Variants in RIT2 observed in about 807,000 individuals in gnomAD.
RIT2 encodes the protein Ras like without CAAX 2, also known as GTP-binding protein Rit2.
Under a neutral mutation model 23.7 loss-of-function variants are expected in RIT2, and 24 were observed. The ratio of observed to expected loss-of-function variants is 1.01; its 90% CI spans 0.73 to 1.43. The LOEUF is 1.43. RIT2 is among the 40% of genes most tolerant of loss of function. The pLI is 0.00. For missense variants in RIT2, 236 were observed against 266.9 expected (o/e 0.88, Z 0.81); for synonymous variants, 107 against 91.1 (o/e 1.17, Z -0.99).
At chr18:42,991,263 A>G (rs977895386) in intron 2 of RIT2, among the ~76,000 whole-genome samples, 2 of 152,190 alleles carry the variant, frequency 1.3e-5, no homozygotes, top group African/African-American at 4.8e-5. Context: ...AATATCAGCC[A>G]TATAAGGATA....
At chr18:42,827,006 A>G (rs1368287313) in intron 4 of RIT2, among the ~76,000 whole-genome samples, 1 of 152,178 alleles carries the variant, frequency 6.6e-6, no homozygotes, top group Non-Finnish European at 1.5e-5. Context: ...AATATATGTC[A>G]GTTCTCTAAA....
At chr18:42,852,877 A>G (rs1222162940) in intron 4 of RIT2, among the ~76,000 whole-genome samples, 1 of 142,856 alleles carries the variant, frequency 7.0e-6, no homozygotes, top group Non-Finnish European at 1.5e-5. Flanking sequence ...TCTGTCTCCC[A>G]GGCTGGAATG....
At chr18:43,056,292 C>G (rs929436602) in intron 1 of RIT2, among the ~76,000 whole-genome samples, 7 of 152,022 alleles carry the variant, frequency 4.6e-5, no homozygotes, top group African/African-American at 1.7e-4. Flanking sequence ...TAAAGAATCA[C>G]CAGTGCTCTC....
chr18:42,815,653 T>G (rs1004483664), intron 4 of RIT2, among the ~76,000 whole-genome samples: 5 of 152,174 alleles, frequency 3.3e-5, no homozygotes, highest in Non-Finnish European at 5.9e-5. Flanking sequence ...AAGTAGGTAA[T>G]AATTTGATGA....
intron 2 of RIT2, among the ~76,000 whole-genome samples, chr18:43,027,413 G>C (rs573592741): frequency 2.9e-3 from 436 of 152,184 alleles, no homozygotes; most frequent in South Asian, 9.1e-3. Context: ...TTTTGAGCAA[G>C]ATTTTTGATT....
chr18:43,016,614 C>T (rs1026819431), intron 2 of RIT2, among the ~76,000 whole-genome samples: 3 of 151,716 alleles, frequency 2.0e-5, no homozygotes, highest in East Asian at 3.9e-4. Context: ...TAAATGACTG[C>T]GTCCAGGAAA....
At chr18:43,050,227 T>C (rs1912347335) in intron 1 of RIT2, among the ~76,000 whole-genome samples, 1 of 151,794 alleles carries the variant, frequency 6.6e-6, no homozygotes, top group South Asian at 2.1e-4. Context: ...GACAGTATCT[T>C]ACTATGTTGT....
intron 4 of RIT2, among the ~76,000 whole-genome samples, chr18:42,786,412 A>C (rs1221741257): frequency 6.6e-5 from 10 of 152,232 alleles, no homozygotes; most frequent in Non-Finnish European, 1.3e-4. Flanking sequence ...ATAATTTTAC[A>C]TCACTACCAT....
chr18:43,074,486 G>T (rs1190098911), intron 1 of RIT2, among the ~76,000 whole-genome samples: 1 of 152,102 alleles, frequency 6.6e-6, no homozygotes, highest in Non-Finnish European at 1.5e-5. Context: ...TCCCCAATGA[G>T]TCCTGAAATT....
intron 3 of RIT2, among the ~76,000 whole-genome samples, chr18:42,926,964 CCT>C (rs1284259066): frequency 1.3e-5 from 2 of 151,854 alleles, no homozygotes; most frequent in Non-Finnish European, 2.9e-5. Context: ...TCAATTTCCC[CCT>C]TTGTTAAAGA....
chr18:43,041,777 A>G (rs925001761), intron 1 of RIT2, among the ~76,000 whole-genome samples: 1 of 152,102 alleles, frequency 6.6e-6, no homozygotes, highest in East Asian at 1.9e-4. Flanking sequence ...CTTACTTTGC[A>G]TAATTCAGTA....
At chr18:42,871,214 A>T (rs1242123809) in intron 4 of RIT2, among the ~76,000 whole-genome samples, 2 of 152,226 alleles carry the variant, frequency 1.3e-5, no homozygotes, top group Non-Finnish European at 2.9e-5. Flanking sequence ...CATCAGCAAC[A>T]CACATTTTAA....
chr18:42,914,393 A>T (rs1908848533), intron 4 of RIT2, among the ~76,000 whole-genome samples: 1 of 152,092 alleles, frequency 6.6e-6, no homozygotes, highest in African/African-American at 2.4e-5. Context: ...AAATTACCCA[A>T]ATGTCCCTGA....
intron 4 of RIT2, among the ~76,000 whole-genome samples, chr18:42,922,526 A>T (rs570807676): frequency 6.6e-4 from 101 of 152,304 alleles, no homozygotes; most frequent in Non-Finnish European, 1.3e-3. Flanking sequence ...GACACTTCTC[A>T]GTAATGTTAC....
chr18:42,743,404 T>C lies in RIT2; in HGVS notation c.*89A>G. The C allele has an allele frequency of 3.2e-6, 3 of 924,554 alleles. No homozygotes were observed. Among genetic ancestry groups the C allele is most frequent in the South Asian group, 1.5e-5 (1 of 68,262 alleles). The allele number at this position is 924,554 out of a possible 1,614,324, so 57.3% of individuals were successfully genotyped here. A position where few individuals can be genotyped will look rare whatever the true frequency, so the allele number is the denominator to read the frequency against. On this transcript the variant is annotated 3_prime_UTR_variant, in exon 5 of 5. Transcript: ENST00000326695. ...AGATATTTAAAGAGAGAGAGACACA[T>C]AGAGAGATAATATTGAAGCAGAATG...
chr18:42,903,807 C>T (rs527438523), intron 4 of RIT2, among the ~76,000 whole-genome samples: 8 of 151,998 alleles, frequency 5.3e-5, no homozygotes, highest in Middle Eastern at 3.4e-3. Context: ...AGGAAGAATC[C>T]AACAATGGAA....
intron 4 of RIT2, among the ~76,000 whole-genome samples, chr18:42,898,950 CA>C (rs1386306807): frequency 6.6e-6 from 1 of 152,132 alleles, no homozygotes; most frequent in Non-Finnish European, 1.5e-5. Context: ...TGTCTTATTA[CA>C]AATGATGCTC....
chr18:43,073,777 C>T (rs1283678922), intron 1 of RIT2, among the ~76,000 whole-genome samples: 1 of 152,038 alleles, frequency 6.6e-6, no homozygotes, highest in African/African-American at 2.4e-5. Flanking sequence ...TTTCCACTAA[C>T]CATAAAACAT....
intron 1 of RIT2, among the ~76,000 whole-genome samples, chr18:43,103,574 A>G (rs893187963): frequency 5.9e-5 from 9 of 152,230 alleles, no homozygotes; most frequent in Admixed American, 3.3e-4. Flanking sequence ...AAGATATTAG[A>G]CTGGAGTAGA....
Sources: gnomAD v4.1 joint callset for allele counts (sites outside exome capture counted in the v4.1 genomes callset) on GRCh38, gnomAD v4.1.1 for gene constraint, MANE v1.5 for transcripts, NCBI Gene and HGNC (gene_info 2026-07-23, HGNC 2026-07-21) for gene names.